The following GPR158 variants were observed in gnomAD, a reference collection of about 807,000 sequenced individuals.
The protein encoded by GPR158 is G protein-coupled receptor 158.
In GPR158, 30 loss-of-function variants were observed where a neutral mutation model predicts 78.2. That is an observed-to-expected ratio of 0.38 (90% confidence interval 0.29 to 0.52). GPR158 has a LOEUF of 0.52. Ranked by LOEUF, GPR158 falls within the 20% of genes least tolerant of loss-of-function variation. The pLI is 0.83. For synonymous variants in GPR158, 581 were observed against 591.1 expected (o/e 0.98, Z 0.25); for missense variants, 1,463 against 1,523.5 (o/e 0.96, Z 0.66).
intron 2 of GPR158, among the ~76,000 whole-genome samples, chr10:25,243,687 T>G (rs1171042944): frequency 6.6e-6 from 1 of 152,228 alleles, no homozygotes; most frequent in African/African-American, 2.4e-5. Flanking sequence ...GTGTCTCCAA[T>G]CTTTTATATT....
chr10:25,545,841 A>G (rs1017382514), intron 5 of GPR158, among the ~76,000 whole-genome samples: 9 of 152,036 alleles, frequency 5.9e-5, no homozygotes, highest in African/African-American at 2.2e-4. Context: ...ATTGCCAGGT[A>G]CTATCTTAGG....
intron 9 of GPR158, 150 bp from the exon 10 acceptor site, chr10:25,596,493 C>CTA (rs1391698932): frequency 2.0e-5 from 11 of 563,116 alleles, no homozygotes; most frequent in Non-Finnish European, 2.8e-5. Context: ...GTCTCTCTCT[C>CTA]TCTATCTATC....
At chr10:25,243,109 G>A (rs866252550) in intron 2 of GPR158, among the ~76,000 whole-genome samples, 2 of 152,226 alleles carry the variant, frequency 1.3e-5, no homozygotes, top group African/African-American at 4.8e-5. Context: ...AAGGCCATCT[G>A]CACGGATTCT....
chr10:25,249,546 T>C (rs1266361426), intron 2 of GPR158, among the ~76,000 whole-genome samples: 3 of 151,700 alleles, frequency 2.0e-5, no homozygotes, highest in Admixed American at 1.3e-4. Flanking sequence ...TGTCAAAGGC[T>C]TTTTCTGCAT....
chr10:25,466,766 G>T (rs1564463188), intron 5 of GPR158, 47 bp downstream of exon 5: 1 of 1,032,654 alleles, frequency 9.7e-7, no homozygotes, highest in African/African-American at 1.6e-5. Flanking sequence ...ATTTTATGTT[G>T]CATACTATAA....
chr10:25,315,704 T>G (rs1285424902), intron 2 of GPR158, among the ~76,000 whole-genome samples: 4 of 151,128 alleles, frequency 2.6e-5, no homozygotes, highest in Non-Finnish European at 5.9e-5. Context: ...TGCTCTTTAA[T>G]TTTTAAAGTT....
At position 25,176,821 on chromosome 10, in the gene GPR158, G is replaced by A. The variant is rs560232634; in HGVS notation, c.902+499G>A. Among the ~76,000 whole-genome samples the A allele has an allele frequency of 2.0e-5, 3 of 152,336 alleles. No individual in the cohort carries two copies. The highest frequency in any genetic ancestry group is 6.5e-5 in the Admixed American group (1 of 15,304). On this transcript the variant is annotated intron_variant, in intron 1 of 10. Transcript: ENST00000376351. This position sits in a 1 kb window ranked among gnomAD's most constrained non-coding sequence, Gnocchi z 6.3. ...CTGCTTCCTACGTGTGCAGTTGGGG[G>A]CACCGGTCTGTTGTTAGTCAGAGCT...
chr10:25,585,016 C>G (rs1160919329), intron 7 of GPR158, among the ~76,000 whole-genome samples: 1 of 152,196 alleles, frequency 6.6e-6, no homozygotes, highest in Non-Finnish European at 1.5e-5. Flanking sequence ...TGGATATTGT[C>G]CAGTGGGAGG....
At chr10:25,389,747 A>C (rs942986976) in intron 2 of GPR158, among the ~76,000 whole-genome samples, 1 of 152,072 alleles carries the variant, frequency 6.6e-6, no homozygotes, top group African/African-American at 2.4e-5. Context: ...CAGACCTGGA[A>C]GCTCCCTGAG....
At chr10:25,212,626 G>GTTTTT (rs1588737869) in intron 1 of GPR158, among the ~76,000 whole-genome samples, 1 of 105,072 alleles carries the variant, frequency 9.5e-6, no homozygotes, top group Non-Finnish European at 1.8e-5. Context: ...AGAATTTATA[G>GTTTTT]CTTTTTTTTT....
intron 2 of GPR158, among the ~76,000 whole-genome samples, chr10:25,323,779 A>G (rs1199471375): frequency 6.6e-6 from 1 of 151,754 alleles, no homozygotes; most frequent in African/African-American, 2.4e-5. Flanking sequence ...CAGCCTCCAG[A>G]TGCACTTGGA....
chr10:25,347,157 C>G (rs1337849583), intron 2 of GPR158, among the ~76,000 whole-genome samples: 1 of 151,926 alleles, frequency 6.6e-6, no homozygotes, highest in African/African-American at 2.4e-5. Flanking sequence ...TTCAGCTGGG[C>G]TGCATTCCTA....
chr10:25,415,941 T>A (rs764376121), intron 4 of GPR158, among the ~76,000 whole-genome samples: 2 of 152,152 alleles, frequency 1.3e-5, no homozygotes, highest in Non-Finnish European at 2.9e-5. Context: ...GTTGCACTAC[T>A]CTGACAATAT....
chr10:25,229,016 CAG>C (rs1700333702), intron 2 of GPR158, among the ~76,000 whole-genome samples: 1 of 135,836 alleles, frequency 7.4e-6, no homozygotes, highest in Admixed American at 8.0e-5. Flanking sequence ...GCCTGGGTGA[CAG>C]AGCGAGACTC....
chr10:25,565,309 T>G (rs1411655604), intron 6 of GPR158, among the ~76,000 whole-genome samples: 1 of 152,110 alleles, frequency 6.6e-6, no homozygotes, highest in Admixed American at 6.5e-5. Flanking sequence ...ATAGTGATAA[T>G]TGGAGAAAAT....
At chr10:25,511,628 A>G (rs1009428992) in intron 5 of GPR158, among the ~76,000 whole-genome samples, 46 of 152,106 alleles carry the variant, frequency 3.0e-4, no homozygotes, top group African/African-American at 1.0e-3. Context: ...AATGTCTAGA[A>G]GGGCTTTTCC....
chr10:25,533,790 G>T (rs1377572346), intron 5 of GPR158, among the ~76,000 whole-genome samples: 1 of 152,010 alleles, frequency 6.6e-6, no homozygotes, highest in African/African-American at 2.4e-5. Context: ...CTTTGTAAAG[G>T]TAAGGTGTAT....
intron 7 of GPR158, 109 bp downstream of exon 7, chr10:25,572,996 A>T (rs1466817432): frequency 2.8e-6 from 2 of 707,468 alleles, no homozygotes. Context: ...AACTAATCTC[A>T]CCTAATGTGA....
chr10:25,493,893 G>A (rs1184360145), intron 5 of GPR158, among the ~76,000 whole-genome samples: 1 of 152,182 alleles, frequency 6.6e-6, no homozygotes, highest in East Asian at 1.9e-4. Context: ...TGATTTTGTA[G>A]TTATTTGCTT....
Sources: gnomAD v4.1 joint callset for allele counts (sites outside exome capture counted in the v4.1 genomes callset) on GRCh38, gnomAD v4.1.1 for gene constraint, Gnocchi (gnomAD v3.1) non-coding constraint, MANE v1.5 for transcripts, NCBI Gene and HGNC (gene_info 2026-07-23, HGNC 2026-07-21) for gene names.